SYT1: variants seen among roughly 807,000 people sequenced by gnomAD.
The protein encoded by SYT1 is synaptotagmin-1.
A neutral mutation model predicts 44.8 loss-of-function variants in SYT1; 8 were observed. The observed-to-expected ratio is 0.18, with a 90% CI of 0.10 to 0.32. The LOEUF is 0.32. Ranked by LOEUF, SYT1 falls within the 10% of genes least tolerant of loss-of-function variation. SYT1 has a pLI of 1.00. For synonymous variants in SYT1, 154 were observed against 188.8 expected (o/e 0.82, Z 1.51); for missense variants, 286 against 509.3 (o/e 0.56, Z 4.22).
chr12:79,170,553 G>C (rs1170657519), intron 3 of SYT1, among the ~76,000 whole-genome samples: 1 of 151,354 alleles, frequency 6.6e-6, no homozygotes, highest in Admixed American at 6.6e-5. Context: ...TTGTTTGTGG[G>C]GTTTTTTGTA....
At chr12:79,128,795 T>A (rs1039993436) in intron 3 of SYT1, among the ~76,000 whole-genome samples, 7 of 152,314 alleles carry the variant, frequency 4.6e-5, no homozygotes, top group South Asian at 2.1e-4. Flanking sequence ...AAATTAATTT[T>A]AAAAATCCAT....
chr12:79,031,267 T>C (rs929555845), intron 2 of SYT1, among the ~76,000 whole-genome samples: 3 of 151,060 alleles, frequency 2.0e-5, no homozygotes, highest in Non-Finnish European at 4.5e-5. Context: ...TTCCTTAGTA[T>C]ATTAAATAAA....
intron 1 of SYT1, among the ~76,000 whole-genome samples, chr12:78,937,235 C>T (rs1298643310): frequency 6.6e-6 from 1 of 151,790 alleles, no homozygotes; most frequent in African/African-American, 2.4e-5. Context: ...TTTTCGAGGT[C>T]CTGTGATTGT....
intron 9 of SYT1, among the ~76,000 whole-genome samples, chr12:79,382,449 A>G (rs1041785672): frequency 6.6e-6 from 1 of 152,168 alleles, no homozygotes; most frequent in Non-Finnish European, 1.5e-5. Flanking sequence ...CTTCTCCCGT[A>G]ACCTAATTGA....
Position 79,299,395 on chromosome 12 carries a change from G to C in SYT1, c.654G>C (p.Ser218=). The C allele has an allele frequency of 6.2e-7, 1 of 1,612,764 alleles. No individual in the cohort carries two copies. The highest frequency in any genetic ancestry group is 8.5e-7 in the Non-Finnish European group (1 of 1,179,314). Residue 218 remains serine (S), a synonymous_variant, in exon 8 of 11, where the codon TCG becomes TCC. Coordinates refer to ENST00000261205, the MANE Select transcript of SYT1 (RefSeq NM_005639.3). The part of the protein sequence containing the change: ...NEQFTFKVPY[S]ELGGKTLVMA... ...GTCTTTTAATTTAGGTACCATACTC[G>C]GAATTGGGTGGCAAAACCCTAGTGA...
intron 2 of SYT1, among the ~76,000 whole-genome samples, chr12:79,027,048 T>G (rs537861472): frequency 2.6e-5 from 4 of 151,650 alleles, no homozygotes; most frequent in African/African-American, 9.7e-5. Context: ...ATAGCCCACT[T>G]GTGGATGTAC....
At position 79,064,926 on chromosome 12, in the gene SYT1, G is replaced by GAGAAAGAAAGAAAAAA. The variant is rs1555194728; in HGVS notation, c.-18+17577_-18+17578insAAAAGAAAGAAAGAAA. The stretch of plus-strand genomic sequence containing the variant: ...CCCACTCTTTAGACAAAAAAATAGA[G>GAGAAAGAAAGAAAAAA]AGAAAGAAAGAAAGAAAGAAAGAAA... On this transcript the variant is annotated intron_variant, in intron 3 of 10. Coordinates refer to ENST00000261205, the MANE Select transcript of SYT1 (RefSeq NM_005639.3). Among the ~76,000 whole-genome samples the GAGAAAGAAAGAAAAAA allele has an allele frequency of 4.4e-4, 49 of 111,530 alleles. No individual in the cohort carries two copies. The East Asian group carries it at 0.011, about 26-fold the overall frequency. 73.2% of individuals were successfully genotyped at this position (111,530 alleles called of 152,430 possible).
chr12:79,256,476 A>C (rs1877524559), intron 4 of SYT1, among the ~76,000 whole-genome samples: 1 of 152,172 alleles, frequency 6.6e-6, no homozygotes, highest in Non-Finnish European at 1.5e-5. Context: ...CCATTACCTT[A>C]TCAAGCACAA....
chr12:79,286,766 CTCT>C (rs1394191806), intron 5 of SYT1, among the ~76,000 whole-genome samples: 1 of 151,954 alleles, frequency 6.6e-6, no homozygotes, highest in Non-Finnish European at 1.5e-5. Context: ...TATTAAATGC[CTCT>C]TCATTTTTGA....
At chr12:79,009,687 A>C (rs1871302164) in intron 2 of SYT1, among the ~76,000 whole-genome samples, 1 of 152,180 alleles carries the variant, frequency 6.6e-6, no homozygotes, top group African/African-American at 2.4e-5. Flanking sequence ...AATGAATAAA[A>C]GTCTACAACT....
At chr12:78,908,727 G>A (rs1217013120) in intron 1 of SYT1, among the ~76,000 whole-genome samples, 1 of 151,854 alleles carries the variant, frequency 6.6e-6, no homozygotes. Flanking sequence ...ATATTGCAGT[G>A]GAAATGAATA....
intron 3 of SYT1, among the ~76,000 whole-genome samples, chr12:79,118,937 A>G (rs192881755): frequency 1.3e-5 from 2 of 152,288 alleles, no homozygotes. Flanking sequence ...ACTGCCTACT[A>G]AACATCTCTT....
chr12:79,290,122 T>C (rs970984078), intron 5 of SYT1, among the ~76,000 whole-genome samples: 29 of 152,150 alleles, frequency 1.9e-4, no homozygotes, highest in African/African-American at 6.5e-4. Context: ...TACACCGATG[T>C]ATATCATGAT....
chr12:79,220,019 A>C (rs936558250), intron 4 of SYT1, among the ~76,000 whole-genome samples: 5 of 152,158 alleles, frequency 3.3e-5, no homozygotes, highest in Admixed American at 6.5e-5. Context: ...TAGTTCTTCA[A>C]ATGTTTCATA....
At chr12:78,910,850 A>C (rs1020703219) in intron 1 of SYT1, among the ~76,000 whole-genome samples, 1 of 151,980 alleles carries the variant, frequency 6.6e-6, no homozygotes, top group African/African-American at 2.4e-5. Context: ...AATAACCTAG[A>C]TAATGTGCAT....
chr12:79,040,629 T>G (rs997812548), intron 2 of SYT1, among the ~76,000 whole-genome samples: 2 of 151,870 alleles, frequency 1.3e-5, no homozygotes, highest in Non-Finnish European at 3.0e-5. Flanking sequence ...TTAGTTTAAT[T>G]AGATCCCATT....
intron 4 of SYT1, among the ~76,000 whole-genome samples, chr12:79,272,532 A>C (rs1380864232): frequency 2.0e-5 from 3 of 152,234 alleles, no homozygotes; most frequent in African/African-American, 7.2e-5. Flanking sequence ...AAACGACAGA[A>C]GCACCGACAG....
chr12:79,427,895 T>C (rs1222839683), intron 9 of SYT1, among the ~76,000 whole-genome samples: 2 of 152,242 alleles, frequency 1.3e-5, no homozygotes, highest in African/African-American at 2.4e-5. Flanking sequence ...ATTTAACTTA[T>C]GGTATAATTA....
At chr12:79,078,515 A>T (rs1392145813) in intron 3 of SYT1, among the ~76,000 whole-genome samples, 1 of 152,114 alleles carries the variant, frequency 6.6e-6, no homozygotes, top group African/African-American at 2.4e-5. Context: ...TTTTTCTAAT[A>T]CTAACAACCT....
Sources: gnomAD v4.1 joint callset for allele counts (sites outside exome capture counted in the v4.1 genomes callset) on GRCh38, gnomAD v4.1.1 for gene constraint, MANE v1.5 for transcripts, NCBI Gene and HGNC (gene_info 2026-07-23, HGNC 2026-07-21) for gene names.